PPARGC1B: variants seen among roughly 807,000 people sequenced by gnomAD.
The protein encoded by PPARGC1B is peroxisome proliferator-activated receptor gamma coactivator 1-beta.
PPARGC1B carries 34 observed loss-of-function variants against 101.6 expected under a neutral mutation model. The observed-to-expected ratio is 0.33, with a 90% CI of 0.25 to 0.45. PPARGC1B has a LOEUF of 0.45. Among genes scored for constraint, PPARGC1B ranks in the 20% least tolerant of loss-of-function variants. PPARGC1B has a pLI of 1.00. For synonymous variants in PPARGC1B, 548 were observed against 539.3 expected (o/e 1.02, Z -0.22); for missense variants, 1,234 against 1,317.6 (o/e 0.94, Z 0.98).
chr5:149,776,414 A>G (rs925228937), intron 1 of PPARGC1B, among the ~76,000 whole-genome samples: 3 of 152,068 alleles, frequency 2.0e-5, no homozygotes, highest in African/African-American at 4.8e-5. Flanking sequence ...CAGCACCCCA[A>G]AGCTTTTTAG....
chr5:149,764,038 G>A (rs1014011508), intron 1 of PPARGC1B, among the ~76,000 whole-genome samples: 1 of 152,144 alleles, frequency 6.6e-6, no homozygotes, highest in African/African-American at 2.4e-5. Flanking sequence ...TAAAGAGTAT[G>A]GACTCTCTTA....
chr5:149,731,179 G>C (rs1754450675), intron 1 of PPARGC1B, among the ~76,000 whole-genome samples: 1 of 152,142 alleles, frequency 6.6e-6, no homozygotes, highest in Admixed American at 6.5e-5. Context: ...GGCACTGGCT[G>C]AGCCCGGGAG....
chr5:149,800,813 A>G (rs1233548348), intron 1 of PPARGC1B, among the ~76,000 whole-genome samples: 1 of 152,238 alleles, frequency 6.6e-6, no homozygotes, highest in Non-Finnish European at 1.5e-5. Flanking sequence ...AAGAACAACA[A>G]TAAATAAATG....
intron 1 of PPARGC1B, among the ~76,000 whole-genome samples, chr5:149,767,094 A>G (rs1483317565): frequency 6.6e-6 from 1 of 152,180 alleles, no homozygotes; most frequent in Non-Finnish European, 1.5e-5. Context: ...CAGGGGAGGA[A>G]GTCTTCCTTG....
At chr5:149,784,482 CTT>C (rs1756712660) in intron 1 of PPARGC1B, among the ~76,000 whole-genome samples, 1 of 150,908 alleles carries the variant, frequency 6.6e-6, no homozygotes, top group Admixed American at 6.6e-5. Flanking sequence ...GCCTAGAAGT[CTT>C]TTCGGGATCT....
chr5:149,794,954 T>C (rs1236308853), intron 1 of PPARGC1B, among the ~76,000 whole-genome samples: 2 of 152,210 alleles, frequency 1.3e-5, no homozygotes, highest in African/African-American at 4.8e-5. Flanking sequence ...GTGCCCTTAG[T>C]GCCACCCTGC....
At chr5:149,794,530 A>G (rs968691064) in intron 1 of PPARGC1B, among the ~76,000 whole-genome samples, 6 of 100,852 alleles carry the variant, frequency 5.9e-5, no homozygotes, top group African/African-American at 1.7e-4. Context: ...GCGTGCACAC[A>G]CACACACACA....
At chr5:149,821,040 T>C (rs32587) in intron 2 of PPARGC1B, among the ~76,000 whole-genome samples, 65,544 of 152,080 alleles carry the variant, frequency 0.43, 15,607 homozygotes, top group African/African-American at 0.63. Flanking sequence ...TAGTCAGAAG[T>C]TGAACTGGAT....
chr5:149,822,676 G>T (rs1758350344), intron 2 of PPARGC1B, among the ~76,000 whole-genome samples: 1 of 152,236 alleles, frequency 6.6e-6, no homozygotes, highest in African/African-American at 2.4e-5. Context: ...TGGTCACTTA[G>T]TCCCTCTCAT....
At chr5:149,830,954 G>T (rs1561604212) in intron 4 of PPARGC1B, 71 bp downstream of exon 4, 3 of 1,068,458 alleles carry the variant, frequency 2.8e-6, no homozygotes, top group Non-Finnish European at 4.4e-6. Flanking sequence ...TCTGGTGGAG[G>T]ATAGCGAGTT....
At chr5:149,776,340 C>T (rs1409975788) in intron 1 of PPARGC1B, among the ~76,000 whole-genome samples, 1 of 152,176 alleles carries the variant, frequency 6.6e-6, no homozygotes, top group Non-Finnish European at 1.5e-5. Context: ...CCTTATGCAG[C>T]GTTTCCCAAA....
chr5:149,791,668 AT>A (rs1179834088), intron 1 of PPARGC1B, among the ~76,000 whole-genome samples: 4 of 151,290 alleles, frequency 2.6e-5, no homozygotes, highest in Non-Finnish European at 4.4e-5. Context: ...CTGAGAGGGA[AT>A]TTTTTTGCTG....
chr5:149,775,354 G>A (rs1756318003), intron 1 of PPARGC1B, among the ~76,000 whole-genome samples: 1 of 152,160 alleles, frequency 6.6e-6, no homozygotes, highest in Non-Finnish European at 1.5e-5. Context: ...GGCCCTGCAG[G>A]TCTTCAACTT....
Position 149,830,889 on chromosome 5 carries a change from T to G in PPARGC1B, c.582+6T>G. ...GTCAACGGCCTTGTGTTAAGGTATT[T>G]CTTCACATGCCCCCAAATCTACCCC... On this transcript the variant is annotated splice_donor_region_variant and intron_variant, in intron 4 of 11. Transcript: ENST00000309241. The G allele has an allele frequency of 1.9e-6, 3 of 1,587,060 alleles. No individual in the cohort carries two copies. The highest frequency in any genetic ancestry group is 2.6e-6 in the Non-Finnish European group (3 of 1,155,244).
intron 1 of PPARGC1B, among the ~76,000 whole-genome samples, chr5:149,784,460 A>AGT (rs1756711512): frequency 6.8e-6 from 1 of 146,840 alleles, no homozygotes; most frequent in Non-Finnish European, 1.5e-5. Context: ...GGCAGAGGCC[A>AGT]CCCTTACCAT....
chr5:149,733,168 C>T (rs145444769), intron 1 of PPARGC1B, among the ~76,000 whole-genome samples: 4 of 152,172 alleles, frequency 2.6e-5, no homozygotes, highest in Non-Finnish European at 4.4e-5. Flanking sequence ...TTGTCTTTGT[C>T]CCAAAAGATT....
chr5:149,829,839 C>G (rs1758677317), intron 3 of PPARGC1B, among the ~76,000 whole-genome samples: 1 of 151,664 alleles, frequency 6.6e-6, no homozygotes, highest in Non-Finnish European at 1.5e-5. Context: ...AGTTTGAGAC[C>G]AGCCTGGCCA....
rs1042817113 is a variant in PPARGC1B, at chr5:149,837,133, G to T, written c.2618+60G>T. ...AGTGGAGGATCCCAGTTCCCGGGGA[G>T]CCAGGAGCCCCAGGAGGGAGGATCC... is the stretch of plus-strand genomic sequence containing the variant. On this transcript the variant is annotated intron_variant, in intron 8 of 11. Transcript: ENST00000309241. This position sits in a 1 kb window ranked among gnomAD's most constrained non-coding sequence, Gnocchi z 4.2. The T allele has an allele frequency of 2.6e-6, 4 of 1,531,842 alleles. No homozygotes were observed. In the African/African-American group the frequency reaches 5.5e-5, roughly 21 times the overall value. 94.9% of individuals were successfully genotyped at this position (1,531,842 alleles called of 1,614,324 possible).
At position 149,843,184 on chromosome 5, in the gene PPARGC1B, G is replaced by T. The variant is rs6880990; in HGVS notation, c.2816+807G>T. 3.6e-3 allele frequency among the ~76,000 whole-genome samples: 555 copies of T among 152,214 alleles called. 1 individual carries two copies. The highest frequency in any genetic ancestry group is 0.012 in the African/African-American group (515 of 41,532). Reference sequence around the variant, plus strand: ...AATAAGAAAAGGCCCCAGGCCTTTTGTTCTACTAGGCAGCCCTGGTTTTTC... The same window carrying T: ...AATAAGAAAAGGCCCCAGGCCTTTTTTTCTACTAGGCAGCCCTGGTTTTTC... On this transcript the variant is annotated intron_variant, in intron 10 of 11. Transcript: ENST00000309241.
Sources: gnomAD v4.1 joint callset for allele counts (sites outside exome capture counted in the v4.1 genomes callset) on GRCh38, gnomAD v4.1.1 for gene constraint, Gnocchi (gnomAD v3.1) non-coding constraint, MANE v1.5 for transcripts, NCBI Gene and HGNC (gene_info 2026-07-23, HGNC 2026-07-21) for gene names.